LILRA2: variants seen among roughly 807,000 people sequenced by gnomAD.
LILRA2 encodes leukocyte immunoglobulin-like receptor subfamily A member 2.
In LILRA2, 45 loss-of-function variants were observed where a neutral mutation model predicts 47.9. The observed-to-expected ratio is 0.94, with a 90% confidence interval of 0.74 to 1.20. The LOEUF is 1.20. LILRA2 is among the 50% of genes most tolerant of loss of function. LILRA2 has a pLI of 0.00. For missense variants in LILRA2, 651 were observed against 598.2 expected (o/e 1.09, Z -0.92); for synonymous variants, 279 against 249.2 (o/e 1.12, Z -1.13).
chr19:54,577,626 G>A (rs1023333054), intron 6 of LILRA2: 30 of 1,289,420 alleles, frequency 2.3e-5, no homozygotes, highest in East Asian at 1.7e-4. Context: ...TGTGGGTGCC[G>A]CTCACACTGC....
Position 54,575,947 on chromosome 19 carries a change from C to G in LILRA2, c.1093C>G (p.Leu365Val), listed in dbSNP as rs1451559979. ...LTKEGAGHPP[L>V]HLRSEHQAQQ... ...CAAGGAGGGGGCAGGCCATCCCCCA[C>G]TGCATCTGAGATCAGAGCACCAAGC... The change falls in exon 6 of 8, where the codon CTG becomes GTG. Residue 365 changes from leucine to valine, a missense_variant. Physicochemically the swap from Leu to Val is conservative, Grantham distance 32. Coordinates refer to ENST00000391738, the MANE Select transcript of LILRA2 (RefSeq NM_001130917.3). 1.9e-6 allele frequency: 3 copies of G among 1,613,928 alleles called. No homozygotes were observed. The highest frequency in any genetic ancestry group is 2.5e-6 in the Non-Finnish European group (3 of 1,179,992).
chr19:54,587,523 A>G lies in LILRA2; in HGVS notation c.*177A>G. The G allele has an allele frequency of 1.9e-6, 2 of 1,073,214 alleles. No homozygotes were observed. The highest frequency in any genetic ancestry group is 1.7e-5 in the South Asian group (1 of 58,382). 66.5% of individuals were successfully genotyped at this position (1,073,214 alleles called of 1,614,324 possible). A position where few individuals can be genotyped will look rare whatever the true frequency, so the allele number is the denominator to read the frequency against. The stretch of plus-strand genomic sequence containing the variant: ...GGAAACTGTCTGGGGTGATTCCTAG[A>G]AGATCATTAAACTGTGGTACATTTT... On this transcript the variant is annotated 3_prime_UTR_variant, in exon 8 of 8. Transcript: ENST00000391738.
At chr19:54,581,828 A>G (rs1001278417) in intron 6 of LILRA2, among the ~76,000 whole-genome samples, 6 of 149,272 alleles carry the variant, frequency 4.0e-5, no homozygotes, top group African/African-American at 1.5e-4. Flanking sequence ...TAAAGTTCAT[A>G]TGGAACCAAA....
rs1385700012 is a variant in LILRA2 at position 54,574,571 on chromosome 19, T to A, written c.341T>A (p.Leu114Gln). The change falls in exon 3 of 8, where the codon CTG becomes CAG. Residue 114 changes from leucine (L) to glutamine (Q), a missense_variant. Leu to Gln is a moderately radical substitution (Grantham distance 113). Coordinates refer to ENST00000391738, the MANE Select transcript of LILRA2 (RefSeq NM_001130917.3). Reference sequence around the variant, plus strand: ...TCAGAGTACAGTGACCCCCTGGAGCTGGTGGTGACAGGTGAGAGGACACTC... The same window carrying A: ...TCAGAGTACAGTGACCCCCTGGAGCAGGTGGTGACAGGTGAGAGGACACTC... ...HSSEYSDPLELVVTGAYSKPT... is the reference protein window; with the variant it reads ...HSSEYSDPLEQVVTGAYSKPT... 1.9e-6 allele frequency: 3 copies of A among 1,613,944 alleles called. No homozygotes were observed. Among genetic ancestry groups the A allele is most frequent in the Non-Finnish European group, 2.5e-6 (3 of 1,179,960 alleles).
rs2062901835 is a variant in LILRA2 at position 54,590,158 on chromosome 19, G to A, written c.*2812G>A. The A allele has an allele frequency of 1.3e-5, 2 of 152,076 alleles. No individual in the cohort carries two copies. The highest frequency in any genetic ancestry group is 4.8e-5 in the African/African-American group (2 of 41,386). 9.4% of individuals were successfully genotyped at this position (152,076 alleles called of 1,614,324 possible). A position where few individuals can be genotyped will look rare whatever the true frequency, so the allele number is the denominator to read the frequency against. On this transcript the variant is annotated 3_prime_UTR_variant, in exon 8 of 8. Transcript: ENST00000391738. Reference sequence around the variant, plus strand: ...CTTATTTCCTTCATTCTGAAAGTGTGACACATAGAGATATATCTGTTTCCT... The same window carrying A: ...CTTATTTCCTTCATTCTGAAAGTGTAACACATAGAGATATATCTGTTTCCT...
intron 6 of LILRA2, among the ~76,000 whole-genome samples, chr19:54,582,365 T>C (rs535092008): frequency 3.5e-4 from 53 of 152,336 alleles, no homozygotes; most frequent in African/African-American, 1.2e-3. Context: ...AGCTCCTCTT[T>C]GTACCTCTGG....
In LILRA2 at chr19:54,587,198, C is replaced by G; in HGVS notation, c.1307-3C>G. On this transcript the variant is annotated splice_polypyrimidine_tract_variant and splice_region_variant and intron_variant, in intron 7 of 7. Coordinates refer to ENST00000391738, the MANE Select transcript of LILRA2 (RefSeq NM_001130917.3). ...CCCTGACCTCTGTGACCTCTTTGTCCAGCATCCCTAGGCCAACACCCCCAG... is the reference window on the plus strand; with the variant it reads ...CCCTGACCTCTGTGACCTCTTTGTCGAGCATCCCTAGGCCAACACCCCCAG... The G allele has an allele frequency of 6.2e-7, 1 of 1,613,990 alleles. No individual in the cohort carries two copies. The highest frequency in any genetic ancestry group is 1.1e-5 in the South Asian group (1 of 91,042).
chr19:54,584,235 T>A (rs1379815925), intron 6 of LILRA2, among the ~76,000 whole-genome samples: 3 of 152,194 alleles, frequency 2.0e-5, no homozygotes, highest in Non-Finnish European at 4.4e-5. Flanking sequence ...TTGGTGAATC[T>A]GATAATTATG....
chr19:54,583,168 A>G, intron 6 of LILRA2, among the ~76,000 whole-genome samples: 1 of 152,146 alleles, frequency 6.6e-6, no homozygotes, highest in Non-Finnish European at 1.5e-5. Flanking sequence ...CTGTTCTTTT[A>G]CATTTGCTGA....
At chr19:54,576,883 T>C (rs1293847073) in intron 6 of LILRA2, among the ~76,000 whole-genome samples, 1 of 152,270 alleles carries the variant, frequency 6.6e-6, no homozygotes, top group Non-Finnish European at 1.5e-5. Flanking sequence ...CCCATTCCCC[T>C]TGCACCCTGG....
intron 6 of LILRA2, among the ~76,000 whole-genome samples, chr19:54,583,732 T>C (rs986103194): frequency 2.6e-5 from 4 of 152,168 alleles, no homozygotes; most frequent in Non-Finnish European, 5.9e-5. Context: ...TCCAATTTGC[T>C]GGTCTGTGTC....
At position 54,574,796 on chromosome 19, in the gene LILRA2, A is replaced by G. The variant is rs75334515; in HGVS notation, c.418A>G (p.Thr140Ala). The G allele has an allele frequency of 2.3e-4, 374 of 1,614,256 alleles. No individual in the cohort carries two copies. The African/African-American group carries it at 4.7e-3, about 20-fold the overall frequency. ...SPVVTSGGNVTLQCVSQVAFD... is the reference protein window; with the variant it reads ...SPVVTSGGNVALQCVSQVAFD... ...TGTGGTGACCTCAGGAGGGAACGTG[A>G]CCCTCCAGTGTGTCTCACAGGTGGC... Residue 140 changes from threonine (T) to alanine (A), a missense_variant, in exon 4 of 8, where the codon ACC becomes GCC. Physicochemically the swap from Thr to Ala is moderately conservative, Grantham distance 58 (BLOSUM62 0). Coordinates refer to ENST00000391738, the MANE Select transcript of LILRA2 (RefSeq NM_001130917.3).
Position 54,586,742 on chromosome 19 carries a change from T to G in LILRA2, c.1256-268T>G, listed in dbSNP as rs767076910. On this transcript the variant is annotated intron_variant, in intron 6 of 7. Transcript: ENST00000391738. The stretch of plus-strand genomic sequence containing the variant: ...GCACATAAGGTCCTGGTTATTTCTG[T>G]ATTGGGGACCACTTACCATATCCAT... Among the ~76,000 whole-genome samples, 552 of 152,168 alleles carry G rather than the reference T, an allele frequency of 3.6e-3. No individual in the cohort carries two copies. In the South Asian group the frequency reaches 0.072, roughly 20 times the overall value.
chr19:54,576,005 C>A lies in LILRA2; in HGVS notation c.1151C>A (p.Pro384His). 6.2e-7 allele frequency: 1 copy of A among 1,613,952 alleles called. No individual in the cohort carries two copies. The highest frequency in any genetic ancestry group is 8.5e-7 in the Non-Finnish European group (1 of 1,179,972). Residue 384 changes from proline to histidine, a missense_variant, in exon 6 of 8, where the codon CCT becomes CAT. By Grantham distance (77) the Pro-to-His change is moderately conservative. Coordinates refer to ENST00000391738, the MANE Select transcript of LILRA2 (RefSeq NM_001130917.3). The part of the protein sequence containing the change: ...QQNQAEFRMG[P>H]VTSAHVGTYR... ...AACCAGGCTGAATTCCGCATGGGTC[C>A]TGTGACCTCAGCCCACGTGGGGACC...
At chr19:54,578,135 A>ATT (rs2062531795) in intron 6 of LILRA2, among the ~76,000 whole-genome samples, 9 of 151,386 alleles carry the variant, frequency 5.9e-5, no homozygotes, top group African/African-American at 1.9e-4. Flanking sequence ...ATATATATAT[A>ATT]TTTTATTATT....
chr19:54,583,657 A>G (rs961790584), intron 6 of LILRA2, among the ~76,000 whole-genome samples: 2 of 151,114 alleles, frequency 1.3e-5, no homozygotes. Context: ...TTTTGAGCCT[A>G]TGTGTGTCTC....
At chr19:54,585,079 G>A (rs567374765) in intron 6 of LILRA2, among the ~76,000 whole-genome samples, 30 of 152,328 alleles carry the variant, frequency 2.0e-4, no homozygotes, top group African/African-American at 7.0e-4. Flanking sequence ...AGTCCAGCCA[G>A]ACCTTATTTG....
intron 6 of LILRA2, 129 bp from the exon 7 acceptor site, chr19:54,586,881 C>T (rs1353322651): frequency 3.3e-6 from 2 of 615,368 alleles, no homozygotes; most frequent in South Asian, 4.8e-5. Context: ...GGGAACCCTG[C>T]TACAGCAGAG....
rs571988323 is a variant in LILRA2, at chr19:54,574,379, A to G, written c.149A>G (p.Gln50Arg). The change falls in exon 3 of 8, where the codon CAG becomes CGG. Residue 50 changes from glutamine (Q) to arginine (R), a missense_variant. Coordinates refer to ENST00000391738, the MANE Select transcript of LILRA2 (RefSeq NM_001130917.3). ...IQGSPVTLRC[Q>R]GSLQAEEYHL... is the part of the protein sequence containing the mutation. The stretch of plus-strand genomic sequence containing the variant: ...GGAAGTCCTGTGACCCTCAGGTGTC[A>G]GGGGAGCCTTCAGGCTGAGGAGTAC... The G allele has an allele frequency of 3.9e-5, 63 of 1,614,208 alleles. No individual in the cohort carries two copies. The South Asian group carries it at 6.7e-4, about 17-fold the overall frequency.
Sources: gnomAD v4.1 joint callset for allele counts (sites outside exome capture counted in the v4.1 genomes callset) on GRCh38, gnomAD v4.1.1 for gene constraint, MANE v1.5 for transcripts, NCBI Gene and HGNC (gene_info 2026-07-23, HGNC 2026-07-21) for gene names.